CDKL1: variants seen among roughly 807,000 people sequenced by gnomAD.
The protein encoded by CDKL1 is cyclin dependent kinase like 1, also known as cyclin-dependent kinase-like 1.
In CDKL1, 41 loss-of-function variants were observed where a neutral mutation model predicts 42.0. The ratio of observed to expected loss-of-function variants is 0.98; its 90% CI spans 0.76 to 1.27. The LOEUF is 1.27. Among genes scored for constraint, CDKL1 ranks in the 50% most tolerant of loss-of-function variants. CDKL1 has a pLI of 0.00. For synonymous variants in CDKL1, 153 were observed against 158.6 expected, an observed-to-expected ratio of 0.96 and a Z score of 0.26; for missense variants, 394 against 428.4, an observed-to-expected ratio of 0.92 and a Z score of 0.71.
intron 7 of CDKL1, chr14:50,336,169 C>T (rs774666641): frequency 1.2e-5 from 16 of 1,362,866 alleles, no homozygotes; most frequent in Non-Finnish European, 1.6e-5. Flanking sequence ...CGTTTCACAG[C>T]CCCAGAAGCA....
intron 3 of CDKL1, chr14:50,358,013 A>G (rs756309370): frequency 1.5e-6 from 2 of 1,340,588 alleles, no homozygotes; most frequent in Non-Finnish European, 2.0e-6. Context: ...GCTGGAATCC[A>G]GTCCTCTCAC....
chr14:50,371,840 C>T (rs572996149), intron 2 of CDKL1, among the ~76,000 whole-genome samples: 1 of 152,360 alleles, frequency 6.6e-6, no homozygotes, highest in Admixed American at 6.5e-5. Context: ...CATGCCTGCT[C>T]CTACTGCCTG....
chr14:50,351,039 A>G (rs1030281305), intron 3 of CDKL1, among the ~76,000 whole-genome samples: 3 of 152,156 alleles, frequency 2.0e-5, no homozygotes, highest in Admixed American at 6.5e-5. Context: ...ACCCCCCAGG[A>G]ACATAAAGGG....
intron 2 of CDKL1, among the ~76,000 whole-genome samples, chr14:50,376,829 C>G (rs1174189126): frequency 6.6e-6 from 1 of 152,030 alleles, no homozygotes; most frequent in East Asian, 1.9e-4. Context: ...CTCTCGTGAG[C>G]TTATATTCAA....
intron 2 of CDKL1, among the ~76,000 whole-genome samples, chr14:50,393,503 G>C (rs1018351090): frequency 2.6e-5 from 4 of 152,170 alleles, no homozygotes; most frequent in African/African-American, 9.7e-5. Context: ...AAGTGACAGG[G>C]TCTCACTGTC....
In CDKL1 at chr14:50,396,272, T is replaced by TG; in HGVS notation, c.-405_-404insC. On this transcript the variant is annotated 5_prime_UTR_variant, in exon 2 of 10. Transcript: ENST00000395834. ...TAGTTTGAAAACGTCGCTTATAAAA[T>TG]ATTGGCACCAACGGACTGCACTAGA... The TG allele has an allele frequency of 2.9e-6, 3 of 1,017,988 alleles. No homozygotes were observed. Among genetic ancestry groups the TG allele is most frequent in the South Asian group, 7.4e-5 (2 of 27,006 alleles). The allele number at this position is 1,017,988 out of a possible 1,614,324, so 63.1% of individuals were successfully genotyped here.
intron 2 of CDKL1, among the ~76,000 whole-genome samples, chr14:50,367,301 G>A (rs1032123043): frequency 2.0e-5 from 3 of 152,156 alleles, no homozygotes; most frequent in Non-Finnish European, 2.9e-5. Flanking sequence ...TATTGGAAAC[G>A]GTATCGGTGC....
At chr14:50,343,294 C>A (rs2033618539) in intron 4 of CDKL1, among the ~76,000 whole-genome samples, 1 of 151,846 alleles carries the variant, frequency 6.6e-6, no homozygotes, top group South Asian at 2.1e-4. Context: ...GGCCTGCAGC[C>A]TGAAACCCTG....
chr14:50,393,646 C>A (rs935219007), intron 2 of CDKL1, among the ~76,000 whole-genome samples: 2 of 152,116 alleles, frequency 1.3e-5, no homozygotes, highest in Non-Finnish European at 2.9e-5. Flanking sequence ...CCATGCCCAG[C>A]CTAGTACGTA....
intron 2 of CDKL1, among the ~76,000 whole-genome samples, chr14:50,364,377 G>A (rs2034379686): frequency 1.3e-5 from 2 of 152,184 alleles, no homozygotes; most frequent in Non-Finnish European, 2.9e-5. Context: ...ACTGAGGCAT[G>A]AGAATCACTT....
chr14:50,345,102 A>C, intron 3 of CDKL1, 44 bp from the exon 4 acceptor site: 1 of 1,549,562 alleles, frequency 6.5e-7, no homozygotes, highest in Non-Finnish European at 8.9e-7. Flanking sequence ...TAGTGTAGCC[A>C]TGGAATTCAG....
In CDKL1 at chr14:50,345,134, C is replaced by A. The variant is rs560684005; in HGVS notation, c.291-76G>T. 98 of 1,335,356 alleles carry A rather than the reference C, an allele frequency of 7.3e-5. No individual in the cohort carries two copies. The African/African-American group carries it at 1.3e-3, about 17-fold the overall frequency. 82.7% of individuals were successfully genotyped at this position (1,335,356 alleles called of 1,614,324 possible). A position where few individuals can be genotyped will look rare whatever the true frequency, so the allele number is the denominator to read the frequency against. On this transcript the variant is annotated intron_variant, in intron 3 of 9. Coordinates refer to ENST00000395834, the MANE Select transcript of CDKL1 (RefSeq NM_004196.7). ...TCAGCTCAAGAAAAGAAAAAATAAA[C>A]GAAGATAGGCTTTAGTAGTGAAAAA...
chr14:50,373,687 G>T (rs2034649793), intron 2 of CDKL1, among the ~76,000 whole-genome samples: 1 of 152,120 alleles, frequency 6.6e-6, no homozygotes, highest in South Asian at 2.1e-4. Context: ...AACATCTTTT[G>T]TCATTAGGAA....
intron 7 of CDKL1, among the ~76,000 whole-genome samples, chr14:50,336,428 C>T (rs1013368668): frequency 6.6e-6 from 1 of 152,146 alleles, no homozygotes; most frequent in African/African-American, 2.4e-5. Context: ...GTCCAGATCA[C>T]AAGGAAGCCA....
chr14:50,358,059 C>A, intron 3 of CDKL1: 2 of 1,355,812 alleles, frequency 1.5e-6, no homozygotes, highest in Non-Finnish European at 2.0e-6. Flanking sequence ...AGGAAGGGAC[C>A]CCCTCCTCCT....
At chr14:50,337,652 G>C (rs893519542) in intron 7 of CDKL1, among the ~76,000 whole-genome samples, 2 of 151,156 alleles carry the variant, frequency 1.3e-5, no homozygotes, top group African/African-American at 4.9e-5. Context: ...ACCGCACCTG[G>C]CTCTGTATGG....
intron 2 of CDKL1, among the ~76,000 whole-genome samples, chr14:50,386,465 T>G (rs2035084820): frequency 6.6e-6 from 1 of 151,706 alleles, no homozygotes; most frequent in Admixed American, 6.6e-5. Context: ...AGAAAGGAAA[T>G]GCAGCAAAAT....
At chr14:50,386,093 T>A (rs566711534) in intron 2 of CDKL1, among the ~76,000 whole-genome samples, 16 of 151,816 alleles carry the variant, frequency 1.1e-4, no homozygotes, top group South Asian at 4.2e-4. Context: ...CAAAAAAGTA[T>A]GTGTGAGAGA....
At chr14:50,380,202 C>T (rs1173034894) in intron 2 of CDKL1, 1 of 532,748 alleles carries the variant, frequency 1.9e-6, no homozygotes, top group East Asian at 5.4e-5. Context: ...GGCAACACAA[C>T]CCTGGTCAAA....
Sources: gnomAD v4.1 joint callset for allele counts (sites outside exome capture counted in the v4.1 genomes callset) on GRCh38, gnomAD v4.1.1 for gene constraint, MANE v1.5 for transcripts, NCBI Gene and HGNC (gene_info 2026-07-23, HGNC 2026-07-21) for gene names.